The following EYS variants were observed in gnomAD, a reference collection of about 807,000 sequenced individuals.
EYS encodes protein eyes shut homolog.
Under a neutral mutation model 282.1 loss-of-function variants are expected in EYS, and 250 were observed. That is an observed-to-expected ratio of 0.89 (90% CI 0.80 to 0.98). The LOEUF (loss-of-function observed/expected upper bound fraction) is 0.98, where lower values mean the gene tolerates loss of function less well. Among genes scored for constraint, EYS ranks in the 50% least tolerant of loss-of-function variants. EYS has a pLI of 0.00. For missense variants in EYS, 4,016 were observed against 3,709.0 expected, an observed-to-expected ratio of 1.08 and a Z score of -2.15; for synonymous variants, 1,355 against 1,282.9, an observed-to-expected ratio of 1.06 and a Z score of -1.20.
At chr6:64,890,574 A>AT (rs1441427832) in intron 18 of EYS, among the ~76,000 whole-genome samples, 14 of 152,056 alleles carry the variant, frequency 9.2e-5, no homozygotes, top group Admixed American at 3.3e-4. Flanking sequence ...TGTTATATTC[A>AT]TTTTTTTGCT....
At chr6:65,249,893 C>T (rs1180617884) in intron 12 of EYS, among the ~76,000 whole-genome samples, 5 of 151,982 alleles carry the variant, frequency 3.3e-5, no homozygotes, top group Non-Finnish European at 7.4e-5. Context: ...AGGTTAATAA[C>T]TGGAAGCATC....
chr6:64,591,182 G>A lies in EYS; in HGVS notation c.4685C>T (p.Thr1562Ile). The A allele has an allele frequency of 1.3e-6, 2 of 1,551,318 alleles. No homozygotes were observed. The highest frequency in any genetic ancestry group is 4.9e-5 in the East Asian group (2 of 40,906). The change falls in exon 26 of 43, where the codon ACT becomes ATT. Residue 1562 changes from threonine to isoleucine, a missense_variant. Coordinates refer to ENST00000503581, the MANE Select transcript of EYS (RefSeq NM_001142800.2). The stretch of plus-strand genomic sequence containing the variant: ...GAATTCACGAGAGGATTTTATTTCA[G>A]TCATAGAACATGTTGCACATGTTTG... ...LSQTCATCSMTEIKSSREFSD... is the reference protein window; with the variant it reads ...LSQTCATCSMIEIKSSREFSD...
At chr6:64,980,136 A>C (rs1419482650) in intron 14 of EYS, among the ~76,000 whole-genome samples, 1 of 151,610 alleles carries the variant, frequency 6.6e-6, no homozygotes, top group Non-Finnish European at 1.5e-5. Context: ...GCAATAATAA[A>C]AAATGTGCTG....
chr6:64,703,485 T>A (rs1192542137), intron 22 of EYS, among the ~76,000 whole-genome samples: 1 of 134,600 alleles, frequency 7.4e-6, no homozygotes. Flanking sequence ...GCTGGAGTAG[T>A]GCAGTGGCGC....
chr6:64,038,111 G>A (rs992949473), intron 33 of EYS, among the ~76,000 whole-genome samples: 2 of 152,046 alleles, frequency 1.3e-5, no homozygotes, highest in African/African-American at 4.8e-5. Context: ...AGAATAGAAT[G>A]GTGGTTACCA....
At chr6:64,092,404 C>A (rs1225624740) in intron 31 of EYS, among the ~76,000 whole-genome samples, 1 of 152,166 alleles carries the variant, frequency 6.6e-6, no homozygotes, top group African/African-American at 2.4e-5. Context: ...CACATCCTCT[C>A]CAGCACCTGT....
intron 31 of EYS, among the ~76,000 whole-genome samples, chr6:64,227,392 CAG>C (rs1386351274): frequency 6.6e-6 from 1 of 151,668 alleles, no homozygotes; most frequent in African/African-American, 2.4e-5. Context: ...AAACAGATGA[CAG>C]AGTGGAAGAA....
At chr6:65,076,144 C>T (rs550142898) in intron 12 of EYS, among the ~76,000 whole-genome samples, 2 of 152,010 alleles carry the variant, frequency 1.3e-5, no homozygotes, top group South Asian at 2.1e-4. Context: ...GCTACTTATA[C>T]AAATTAAGTT....
At chr6:64,803,335 T>C (rs566492644) in intron 22 of EYS, among the ~76,000 whole-genome samples, 1 of 150,442 alleles carries the variant, frequency 6.6e-6, no homozygotes, top group East Asian at 2.0e-4. Flanking sequence ...GTCATCCAGA[T>C]GTCTCTCTGA....
intron 41 of EYS, among the ~76,000 whole-genome samples, chr6:63,733,256 C>T (rs1210773422): frequency 6.6e-6 from 1 of 152,144 alleles, no homozygotes; most frequent in Non-Finnish European, 1.5e-5. Context: ...AGCTAACTTA[C>T]TAGCCTGCAA....
intron 8 of EYS, among the ~76,000 whole-genome samples, chr6:65,367,865 T>C (rs1764973153): frequency 1.3e-5 from 2 of 151,722 alleles, no homozygotes. Flanking sequence ...TTACATATCA[T>C]GCATGTAAAG....
At chr6:64,962,019 A>T (rs1467643005) in intron 14 of EYS, among the ~76,000 whole-genome samples, 1 of 152,076 alleles carries the variant, frequency 6.6e-6, no homozygotes, top group Admixed American at 6.6e-5. Flanking sequence ...CATAATCATA[A>T]CTTCCTCACG....
At chr6:64,928,257 AT>A (rs548534601) in intron 15 of EYS, among the ~76,000 whole-genome samples, 19 of 152,200 alleles carry the variant, frequency 1.2e-4, no homozygotes, top group South Asian at 2.1e-4. Flanking sequence ...TAATTATATC[AT>A]TTTTTTAAGA....
chr6:64,393,053 C>G (rs541859269), intron 28 of EYS, among the ~76,000 whole-genome samples: 21 of 152,306 alleles, frequency 1.4e-4, no homozygotes, highest in Admixed American at 5.2e-4. Flanking sequence ...AATTCCTCGA[C>G]ACATACACTC....
At chr6:63,815,781 C>T (rs899531524) in intron 36 of EYS, among the ~76,000 whole-genome samples, 1 of 152,074 alleles carries the variant, frequency 6.6e-6, no homozygotes, top group Non-Finnish European at 1.5e-5. Flanking sequence ...AGTGCTTGAA[C>T]GTTTGGAGAC....
intron 30 of EYS, among the ~76,000 whole-genome samples, chr6:64,295,141 G>A (rs569448960): frequency 7.9e-5 from 12 of 151,212 alleles, no homozygotes; most frequent in Non-Finnish European, 1.3e-4. Context: ...TTAGGAGGCC[G>A]AAGCGGGGGG....
intron 1 of EYS, among the ~76,000 whole-genome samples, chr6:65,647,418 G>A (rs1009343882): frequency 6.6e-6 from 1 of 152,136 alleles, no homozygotes; most frequent in African/African-American, 2.4e-5. Flanking sequence ...AGTGGGGAAA[G>A]GACAAACTAT....
intron 5 of EYS, among the ~76,000 whole-genome samples, chr6:65,417,118 T>G (rs1767269545): frequency 6.6e-6 from 1 of 151,988 alleles, no homozygotes; most frequent in Non-Finnish European, 1.5e-5. Context: ...TTTTAAGTTA[T>G]TCATTGTAAA....
intron 19 of EYS, among the ~76,000 whole-genome samples, chr6:64,861,101 C>T (rs1004746191): frequency 1.1e-4 from 16 of 152,194 alleles, no homozygotes; most frequent in African/African-American, 3.9e-4. Flanking sequence ...CCTTTCCACC[C>T]AGGAACTTGT....
Sources: gnomAD v4.1 joint callset for allele counts (sites outside exome capture counted in the v4.1 genomes callset) on GRCh38, gnomAD v4.1.1 for gene constraint, MANE v1.5 for transcripts, NCBI Gene and HGNC (gene_info 2026-07-23, HGNC 2026-07-21) for gene names.